Variants in AGBL1 observed in about 807,000 individuals in gnomAD.
AGBL1 encodes the protein AGBL carboxypeptidase 1, also known as cytosolic carboxypeptidase 4.
A neutral mutation model predicts 118.9 loss-of-function variants in AGBL1; 130 were observed. That is an observed-to-expected ratio of 1.09 (90% CI 0.95 to 1.26). The LOEUF (loss-of-function observed/expected upper bound fraction) is 1.26. AGBL1 is among the 50% of genes most tolerant of loss of function. AGBL1 has a pLI of 0.00. For missense variants in AGBL1, 1,584 were observed against 1,298.1 expected (o/e 1.22, Z -3.38); for synonymous variants, 555 against 478.9 (o/e 1.16, Z -2.08).
intron 1 of AGBL1, among the ~76,000 whole-genome samples, chr15:86,117,963 G>A (rs1730712966): frequency 6.6e-6 from 1 of 152,190 alleles, no homozygotes; most frequent in African/African-American, 2.4e-5. Context: ...GACTTGCTCT[G>A]CGGATCTTAG....
At chr15:86,454,128 T>C (rs1198813375) in intron 18 of AGBL1, among the ~76,000 whole-genome samples, 1 of 152,206 alleles carries the variant, frequency 6.6e-6, no homozygotes, top group Admixed American at 6.5e-5. Flanking sequence ...TCACCATGTA[T>C]GGAAGACTGT....
chr15:86,292,506 T>C (rs2079563592), intron 16 of AGBL1, among the ~76,000 whole-genome samples: 2 of 152,330 alleles, frequency 1.3e-5, no homozygotes, highest in Middle Eastern at 3.4e-3. Flanking sequence ...ATTTGTGTTG[T>C]CTTAACCTAC....
chr15:86,479,705 T>C (rs549992931), intron 18 of AGBL1, among the ~76,000 whole-genome samples: 15 of 152,170 alleles, frequency 9.9e-5, no homozygotes, highest in Non-Finnish European at 2.1e-4. Flanking sequence ...GAACTAGAAA[T>C]ACCATTTGAC....
At chr15:86,762,933 G>A (rs2078046989) in intron 22 of AGBL1, among the ~76,000 whole-genome samples, 1 of 151,970 alleles carries the variant, frequency 6.6e-6, no homozygotes, top group African/African-American at 2.4e-5. Flanking sequence ...CGGGTGGGTA[G>A]AGACAGAAAC....
intron 18 of AGBL1, among the ~76,000 whole-genome samples, chr15:86,441,409 A>G (rs965990588): frequency 6.6e-6 from 1 of 152,358 alleles, no homozygotes; most frequent in East Asian, 1.9e-4. Flanking sequence ...CTGCTCAAAC[A>G]AAATGTACCA....
At chr15:86,475,614 T>A (rs953292155) in intron 18 of AGBL1, among the ~76,000 whole-genome samples, 1 of 152,160 alleles carries the variant, frequency 6.6e-6, no homozygotes, top group African/African-American at 2.4e-5. Context: ...TACCTGAAAG[T>A]GATGCGGAGA....
chr15:86,581,152 G>A (rs1343447232), intron 21 of AGBL1, among the ~76,000 whole-genome samples: 1 of 152,096 alleles, frequency 6.6e-6, no homozygotes, highest in Non-Finnish European at 1.5e-5. Context: ...TTAAAGCCTG[G>A]GTGGTCTTGA....
At chr15:86,390,544 C>T (rs1464346328) in intron 17 of AGBL1, among the ~76,000 whole-genome samples, 1 of 151,984 alleles carries the variant, frequency 6.6e-6, no homozygotes, top group Non-Finnish European at 1.5e-5. Flanking sequence ...TATGTGGTAC[C>T]TTGGAATACG....
At chr15:86,408,437 G>A (rs1184473336) in intron 18 of AGBL1, among the ~76,000 whole-genome samples, 1 of 152,182 alleles carries the variant, frequency 6.6e-6, no homozygotes, top group African/African-American at 2.4e-5. Context: ...CGCAGTTAAA[G>A]CTTAACCTCT....
chr15:87,009,460 C>T (rs1015000806), intron 24 of AGBL1, among the ~76,000 whole-genome samples: 1 of 152,192 alleles, frequency 6.6e-6, no homozygotes. Context: ...GGAGCAGGGC[C>T]TCATGGAGAA....
chr15:86,812,967 G>A (rs546530560), intron 22 of AGBL1, among the ~76,000 whole-genome samples: 4 of 152,066 alleles, frequency 2.6e-5, no homozygotes, highest in Admixed American at 2.0e-4. Flanking sequence ...GAAAGAAAAG[G>A]CTTTACAGGT....
chr15:86,788,158 C>T lies in AGBL1; in HGVS notation c.3158+113722C>T, dbSNP rs529852514. Among the ~76,000 whole-genome samples the T allele has an allele frequency of 1.7e-4, 26 of 152,284 alleles. No individual in the cohort carries two copies. In the East Asian group the frequency reaches 3.3e-3, roughly 19 times the overall value. ...TGGAGTTTGAGGTAGTGGCTCTGCA[C>T]GGTGCCCACTGAGGCCAAGCCCTTG... is the stretch of plus-strand genomic sequence containing the variant. On this transcript the variant is annotated intron_variant, in intron 22 of 22. Coordinates refer to ENST00000614907, the MANE Select transcript of AGBL1 (RefSeq NM_001386094.1).
chr15:86,122,269 G>A (rs149409432), intron 1 of AGBL1, among the ~76,000 whole-genome samples: 73 of 152,300 alleles, frequency 4.8e-4, no homozygotes, highest in African/African-American at 1.7e-3. Flanking sequence ...TGTGATCATG[G>A]AAAATAGGAA....
chr15:86,857,932 C>T (rs2079506283), intron 22 of AGBL1, among the ~76,000 whole-genome samples: 1 of 152,190 alleles, frequency 6.6e-6, no homozygotes, highest in Admixed American at 6.5e-5. Flanking sequence ...TTTTCTTTCA[C>T]AAATGTTTTC....
intron 18 of AGBL1, among the ~76,000 whole-genome samples, chr15:86,485,735 A>G (rs1298323018): frequency 6.6e-6 from 1 of 152,012 alleles, no homozygotes; most frequent in Non-Finnish European, 1.5e-5. Flanking sequence ...TAGTTTGCAA[A>G]CTCCTAAAAC....
rs188578019 is a variant in AGBL1 at position 86,427,209 on chromosome 15, G to C, written c.2555+29663G>C. 3.2e-3 allele frequency among the ~76,000 whole-genome samples: 482 copies of C among 152,250 alleles called. 1 individual carries two copies. The highest frequency in any genetic ancestry group is 0.011 in the African/African-American group (455 of 41,560). ...AAAAGTATTTTTTATAGGCAGGAGG[G>C]AAAAAGAGGAACAGTTTGTGAAATG... On this transcript the variant is annotated intron_variant, in intron 18 of 22. Coordinates refer to ENST00000614907, the MANE Select transcript of AGBL1 (RefSeq NM_001386094.1).
chr15:86,589,806 C>T (rs771783482), intron 21 of AGBL1, among the ~76,000 whole-genome samples: 14 of 152,130 alleles, frequency 9.2e-5, no homozygotes, highest in Non-Finnish European at 1.8e-4. Context: ...CTCTATCTGT[C>T]CACACATATT....
chr15:86,826,546 G>T (rs2141401264), intron 22 of AGBL1, among the ~76,000 whole-genome samples: 1 of 152,218 alleles, frequency 6.6e-6, no homozygotes, highest in Admixed American at 6.5e-5. Flanking sequence ...ATTTCCAGAA[G>T]GGCTTGTTAG....
chr15:86,176,414 G>T (rs756143906), intron 5 of AGBL1, among the ~76,000 whole-genome samples: 1 of 152,218 alleles, frequency 6.6e-6, no homozygotes, highest in Non-Finnish European at 1.5e-5. Context: ...GGGATGCAAG[G>T]TTGCTGTCAG....
Sources: allele counts gnomAD v4.1 joint callset (sites outside exome capture counted in the v4.1 genomes callset), GRCh38; gene constraint gnomAD v4.1.1; transcripts MANE v1.5; gene names NCBI Gene and HGNC (gene_info 2026-07-23, HGNC 2026-07-21).